The following TENM1 variants were observed in gnomAD, a reference collection of about 807,000 sequenced individuals.
TENM1 encodes teneurin-1.
Under a neutral mutation model 174.8 loss-of-function variants are expected in TENM1, and 35 were observed. The ratio of observed to expected loss-of-function variants is 0.20; its 90% CI spans 0.15 to 0.27. The LOEUF is 0.27. Among genes scored for constraint, TENM1 ranks in the 10% least tolerant of loss-of-function variants. The pLI is 1.00. For missense variants in TENM1, 1,633 were observed against 2,130.1 expected, an observed-to-expected ratio of 0.77 and a Z score of 4.59; for synonymous variants, 781 against 798.7, an observed-to-expected ratio of 0.98 and a Z score of 0.37.
At chrX:125,196,742 G>C in the TENM1 span, among the ~76,000 whole-genome samples, 1 of 111,259 alleles carries the variant, frequency 9.0e-6, no homozygotes, top group South Asian at 3.7e-4. Flanking sequence ...CTTTAATAAG[G>C]TATCATCATA....
At chrX:124,724,887 G>A (rs1176723472) in intron 4 of TENM1, among the ~76,000 whole-genome samples, 1 of 111,586 alleles carries the variant, frequency 9.0e-6, no homozygotes, top group Non-Finnish European at 1.9e-5. Context: ...TGAGGGTTCT[G>A]TCTTCATGAG....
upstream of TENM1, among the ~76,000 whole-genome samples, chrX:124,965,238 C>T (rs776635785): frequency 1.4e-4 from 15 of 110,755 alleles, no homozygotes; most frequent in African/African-American, 2.0e-4. Flanking sequence ...CCACCATGCC[C>T]GGCTAATTTT....
chrX:124,869,983 A>C (rs1303465535), intron 3 of TENM1, among the ~76,000 whole-genome samples: 7 of 111,395 alleles, frequency 6.3e-5, no homozygotes. Flanking sequence ...GTGTAATTGG[A>C]GTGTTTGTAA....
chrX:124,782,593 C>A (rs1214126292), intron 3 of TENM1, among the ~76,000 whole-genome samples: 1 of 110,719 alleles, frequency 9.0e-6, no homozygotes, highest in African/African-American at 3.3e-5. Flanking sequence ...CCTGAAATTT[C>A]TTTTTATCAT....
the TENM1 span, among the ~76,000 whole-genome samples, chrX:125,147,091 A>G: frequency 6.4e-5 from 7 of 109,203 alleles, no homozygotes; most frequent in Non-Finnish European, 1.3e-4. Flanking sequence ...ACGTGTGTGT[A>G]TATATATCTA....
the TENM1 span, among the ~76,000 whole-genome samples, chrX:125,072,055 T>C: frequency 9.0e-6 from 1 of 111,262 alleles, no homozygotes; most frequent in East Asian, 2.8e-4. Context: ...GTCATACAGC[T>C]TGTTAGTGAC....
At chrX:124,480,248 A>G (rs1489224061) in intron 22 of TENM1, among the ~76,000 whole-genome samples, 1 of 111,967 alleles carries the variant, frequency 8.9e-6, no homozygotes, top group Non-Finnish European at 1.9e-5. Flanking sequence ...AATAAAATCA[A>G]GTGCTAATTG....
intron 14 of TENM1, among the ~76,000 whole-genome samples, chrX:124,551,440 G>A: frequency 9.1e-6 from 1 of 110,488 alleles, no homozygotes; most frequent in Middle Eastern, 4.6e-3. Context: ...GTACAACATA[G>A]TACTTATAGT....
intron 3 of TENM1, among the ~76,000 whole-genome samples, chrX:124,802,129 C>G (rs1301690883): frequency 1.8e-5 from 2 of 111,844 alleles, no homozygotes; most frequent in African/African-American, 6.5e-5. Context: ...CCATCTCATC[C>G]TCCTTCCAGT....
chrX:124,898,395 T>G (rs565381174), intron 1 of TENM1, among the ~76,000 whole-genome samples: 2 of 111,122 alleles, frequency 1.8e-5, no homozygotes, highest in Middle Eastern at 9.2e-3. Flanking sequence ...TGCATCATCT[T>G]TAATTCTGTT....
At chrX:124,427,290 T>C (rs2060729845) in intron 23 of TENM1, among the ~76,000 whole-genome samples, 1 of 112,359 alleles carries the variant, frequency 8.9e-6, no homozygotes, top group South Asian at 3.6e-4. Context: ...GCCTCTGAGA[T>C]AAAGGCTGGT....
intron 3 of TENM1, among the ~76,000 whole-genome samples, chrX:124,840,084 G>A (rs936994745): frequency 3.6e-5 from 4 of 111,647 alleles, no homozygotes; most frequent in East Asian, 2.8e-4. Flanking sequence ...TTATTTGCAC[G>A]TATTTTAAGC....
intron 25 of TENM1, among the ~76,000 whole-genome samples, chrX:124,407,219 C>CA (rs59240118): frequency 0.012 from 1,054 of 86,588 alleles, 15 homozygotes; most frequent in East Asian, 0.054. Flanking sequence ...TTACTTTTTC[C>CA]AAAAAAAAAA....
At chrX:124,384,242 T>C (rs1258927156) in exon 30 of TENM1, 1 of 1,210,144 alleles carries the variant, frequency 8.3e-7, no homozygotes, top group East Asian at 3.0e-5. Flanking sequence ...AAAAATATCA[T>C]TTCCCCTCTG....
the TENM1 span, among the ~76,000 whole-genome samples, chrX:125,106,768 CTT>C: frequency 9.3e-6 from 1 of 107,482 alleles, no homozygotes; most frequent in East Asian, 3.2e-4. Context: ...TTGTAAAACT[CTT>C]TGCAATATTA....
At chrX:125,069,104 A>C in the TENM1 span, among the ~76,000 whole-genome samples, 1 of 111,668 alleles carries the variant, frequency 9.0e-6, no homozygotes, top group Non-Finnish European at 1.9e-5. Context: ...TCCATCACCC[A>C]AATAATGAAC....
chrX:124,978,003 A>T, the TENM1 span, among the ~76,000 whole-genome samples: 2 of 98,463 alleles, frequency 2.0e-5, no homozygotes, highest in Admixed American at 1.2e-4. Flanking sequence ...AGAGAGAGAG[A>T]GAGAGAGAGA....
the TENM1 span, among the ~76,000 whole-genome samples, chrX:125,144,831 G>A: frequency 6.4e-5 from 7 of 109,488 alleles, no homozygotes; most frequent in East Asian, 1.2e-3. Context: ...TCCGCCTCCC[G>A]GGTTCAAGCG....
intron 3 of TENM1, among the ~76,000 whole-genome samples, chrX:124,801,531 C>G (rs2055449833): frequency 8.9e-6 from 1 of 111,752 alleles, no homozygotes; most frequent in African/African-American, 3.3e-5. Context: ...GGTCTTGACT[C>G]TTTATCCAAT....
Sources: allele counts gnomAD v4.1 joint callset (sites outside exome capture counted in the v4.1 genomes callset), GRCh38; gene constraint gnomAD v4.1.1; transcripts MANE v1.5; gene names NCBI Gene and HGNC (gene_info 2026-07-23, HGNC 2026-07-21).